The following CAMK2D variants were observed in gnomAD, a reference collection of about 807,000 sequenced individuals.
The protein encoded by CAMK2D is calcium/calmodulin dependent protein kinase II delta, also known as calcium/calmodulin-dependent protein kinase type II subunit delta.
In CAMK2D, 37 loss-of-function variants were observed where a neutral mutation model predicts 84.0. That is an observed-to-expected ratio of 0.44 (90% CI 0.34 to 0.58). CAMK2D has a LOEUF of 0.58. Among genes scored for constraint, CAMK2D ranks in the 20% least tolerant of loss-of-function variants. The pLI is 0.02. For synonymous variants in CAMK2D, 202 were observed against 212.5 expected (o/e 0.95, Z 0.43); for missense variants, 448 against 652.5 (o/e 0.69, Z 3.41).
intron 3 of CAMK2D, among the ~76,000 whole-genome samples, chr4:113,636,239 A>G (rs1356933449): frequency 1.3e-5 from 2 of 152,192 alleles, no homozygotes; most frequent in Non-Finnish European, 2.9e-5. Flanking sequence ...CTCTCTGTCC[A>G]TAATAACTCA....
At chr4:113,738,924 A>G (rs572540921) in intron 2 of CAMK2D, among the ~76,000 whole-genome samples, 20 of 152,282 alleles carry the variant, frequency 1.3e-4, no homozygotes, top group Middle Eastern at 3.4e-3. Context: ...ACAAAAATAA[A>G]TAACACATCC....
Position 113,761,318 on chromosome 4 carries a change from C to T in CAMK2D, c.-250G>A. ...CTCCTCCTGCGGGCCTCGCTTCCTT[C>T]TTCTCCACTGGACGCTCCACCCGCC... On this transcript the variant is annotated 5_prime_UTR_variant, in exon 1 of 21. Transcript: ENST00000511664. 1.4e-6 allele frequency: 2 copies of T among 1,413,494 alleles called. No individual in the cohort carries two copies. The highest frequency in any genetic ancestry group is 1.4e-5 in the African/African-American group (1 of 69,342). The allele number at this position is 1,413,494 out of a possible 1,614,324, so 87.6% of individuals were successfully genotyped here. A position where few individuals can be genotyped will look rare whatever the true frequency, so the allele number is the denominator to read the frequency against.
intron 3 of CAMK2D, among the ~76,000 whole-genome samples, chr4:113,654,945 T>C (rs1197611793): frequency 6.6e-6 from 1 of 151,968 alleles, no homozygotes. Flanking sequence ...CATTGTTGAA[T>C]ACGCACATCT....
At chr4:113,622,932 T>C (rs907196311) in intron 3 of CAMK2D, among the ~76,000 whole-genome samples, 1 of 152,184 alleles carries the variant, frequency 6.6e-6, no homozygotes, top group African/African-American at 2.4e-5. Context: ...TAGGCTTTAA[T>C]CAGGAGTCTG....
Position 113,633,610 on chromosome 4 carries a change from T to C in CAMK2D, c.221-24404A>G, listed in dbSNP as rs539299502. 2.6e-4 allele frequency among the ~76,000 whole-genome samples: 40 copies of C among 152,310 alleles called. 1 individual carries two copies. The South Asian group carries it at 8.3e-3, about 32-fold the overall frequency. ...CAGTATATTTAGTCATTGCTACAAC[T>C]GTCATTTCCAATAGGATAAATAAAA... is the stretch of plus-strand genomic sequence containing the variant. On this transcript the variant is annotated intron_variant, in intron 3 of 20. Coordinates refer to ENST00000511664, the MANE Select transcript of CAMK2D (RefSeq NM_001321571.2).
intron 2 of CAMK2D, among the ~76,000 whole-genome samples, chr4:113,666,221 G>A (rs749587745): frequency 4.3e-4 from 65 of 152,248 alleles, no homozygotes; most frequent in Middle Eastern, 3.4e-3. Flanking sequence ...CAATATCAGA[G>A]AATAAGCTCT....
intron 16 of CAMK2D, among the ~76,000 whole-genome samples, chr4:113,475,677 A>G (rs757173): frequency 0.34 from 51,079 of 152,136 alleles, 8,894 homozygotes; most frequent in Middle Eastern, 0.4. Flanking sequence ...TTTTGACTCA[A>G]GAAGTCTCTT....
At chr4:113,537,007 A>G (rs1297608298) in intron 7 of CAMK2D, among the ~76,000 whole-genome samples, 1 of 152,218 alleles carries the variant, frequency 6.6e-6, no homozygotes, top group African/African-American at 2.4e-5. Context: ...GTATGCAAAC[A>G]ATCAACTTTC....
intron 3 of CAMK2D, among the ~76,000 whole-genome samples, chr4:113,613,883 C>T (rs562045238): frequency 8.4e-4 from 127 of 150,688 alleles, no homozygotes; most frequent in Admixed American, 2.5e-3. Context: ...TGTGTGTGTG[C>T]GAGAGAGAGC....
intron 3 of CAMK2D, among the ~76,000 whole-genome samples, chr4:113,613,176 T>C (rs1275733537): frequency 6.6e-6 from 1 of 152,168 alleles, no homozygotes; most frequent in Non-Finnish European, 1.5e-5. Flanking sequence ...TATTATTTAA[T>C]ATATGCAAGC....
chr4:113,666,045 C>T (rs1002806109), intron 2 of CAMK2D, among the ~76,000 whole-genome samples: 2 of 152,120 alleles, frequency 1.3e-5, no homozygotes, highest in Non-Finnish European at 2.9e-5. Flanking sequence ...TGAATTCAGA[C>T]CTAATGAAGT....
intron 16 of CAMK2D, among the ~76,000 whole-genome samples, chr4:113,495,701 G>C (rs1485375727): frequency 6.6e-6 from 1 of 151,994 alleles, no homozygotes; most frequent in Non-Finnish European, 1.5e-5. Flanking sequence ...CTACTACCTA[G>C]TAATCAGGAA....
intron 2 of CAMK2D, among the ~76,000 whole-genome samples, chr4:113,674,700 A>C (rs2154329308): frequency 6.6e-6 from 1 of 152,270 alleles, no homozygotes; most frequent in South Asian, 2.1e-4. Flanking sequence ...GCAGAGTGAT[A>C]CTGAAAACAA....
intron 2 of CAMK2D, among the ~76,000 whole-genome samples, chr4:113,748,783 T>C (rs908312856): frequency 2.0e-5 from 3 of 152,056 alleles, no homozygotes; most frequent in African/African-American, 7.2e-5. Context: ...TACAAATATG[T>C]CTTTCCCTCA....
chr4:113,745,894 T>G (rs1238558559), intron 2 of CAMK2D, among the ~76,000 whole-genome samples: 2 of 152,166 alleles, frequency 1.3e-5, no homozygotes, highest in African/African-American at 2.4e-5. Context: ...AGGAATATGA[T>G]GTACCCTACA....
chr4:113,633,508 C>T (rs1297685705), intron 3 of CAMK2D, among the ~76,000 whole-genome samples: 1 of 152,178 alleles, frequency 6.6e-6, no homozygotes, highest in Non-Finnish European at 1.5e-5. Context: ...CAATTAAAAG[C>T]TGCATTCATA....
chr4:113,696,195 GACACACACACACACACAC>G (rs56784441), intron 2 of CAMK2D, among the ~76,000 whole-genome samples: 1 of 144,534 alleles, frequency 6.9e-6, no homozygotes, highest in African/African-American at 2.5e-5. Flanking sequence ...CAGACACACA[GACACACACACACACACAC>G]ACACACACAC....
chr4:113,761,106 G>A lies in CAMK2D; in HGVS notation c.-38C>T, dbSNP rs1444781464. ...CTGTGCCCTGGCTGGGAGCGCGACG[G>A]ACCAGAAGCGAGCAGACGCGCGGCT... On this transcript the variant is annotated 5_prime_UTR_variant, in exon 1 of 21. Coordinates refer to ENST00000511664, the MANE Select transcript of CAMK2D (RefSeq NM_001321571.2). The A allele has an allele frequency of 1.9e-6, 3 of 1,613,046 alleles. No individual in the cohort carries two copies. The highest frequency in any genetic ancestry group is 2.5e-6 in the Non-Finnish European group (3 of 1,179,938).
intron 6 of CAMK2D, among the ~76,000 whole-genome samples, chr4:113,540,086 T>G (rs1182777773): frequency 5.9e-5 from 9 of 152,156 alleles, no homozygotes; most frequent in Non-Finnish European, 1.3e-4. Context: ...GTTCTGTGAT[T>G]GTGTGGGAGG....
Sources: allele counts gnomAD v4.1 joint callset (sites outside exome capture counted in the v4.1 genomes callset), GRCh38; gene constraint gnomAD v4.1.1; transcripts MANE v1.5; gene names NCBI Gene and HGNC (gene_info 2026-07-23, HGNC 2026-07-21).